Variants in VWC2L observed in about 807,000 individuals in gnomAD.
VWC2L encodes von Willebrand factor C domain containing 2 like, also known as von Willebrand factor C domain-containing protein 2-like.
Under a neutral mutation model 21.6 loss-of-function variants are expected in VWC2L, and 10 were observed. The observed-to-expected ratio is 0.46, with a 90% CI of 0.29 to 0.78. VWC2L has a LOEUF of 0.78. VWC2L is among the 30% of genes least tolerant of loss of function. The pLI, the probability that VWC2L is intolerant of heterozygous loss-of-function variation, is 0.10. For missense variants in VWC2L, 209 were observed against 277.1 expected (o/e 0.75, Z 1.74); for synonymous variants, 96 against 94.3 (o/e 1.02, Z -0.10).
chr2:214,546,698 A>T (rs1284732107), intron 3 of VWC2L, among the ~76,000 whole-genome samples: 1 of 152,160 alleles, frequency 6.6e-6, no homozygotes, highest in Non-Finnish European at 1.5e-5. Flanking sequence ...GCAGTCTTCC[A>T]TCCCTGAACC....
intron 3 of VWC2L, among the ~76,000 whole-genome samples, chr2:214,441,723 A>G (rs1702765227): frequency 6.6e-6 from 1 of 152,008 alleles, no homozygotes; most frequent in Non-Finnish European, 1.5e-5. Context: ...TAAATATATA[A>G]CAGCCTTTTA....
At chr2:214,423,205 G>A (rs896229142) in intron 2 of VWC2L, among the ~76,000 whole-genome samples, 13 of 152,088 alleles carry the variant, frequency 8.5e-5, no homozygotes, top group Admixed American at 3.9e-4. Context: ...AAATTTTTCT[G>A]TTTGTAAAAA....
intron 3 of VWC2L, among the ~76,000 whole-genome samples, chr2:214,506,332 C>A (rs1455286721): frequency 6.6e-6 from 1 of 152,100 alleles, no homozygotes; most frequent in East Asian, 1.9e-4. Context: ...GAGACAGCAA[C>A]AATCACACAT....
intron 3 of VWC2L, among the ~76,000 whole-genome samples, chr2:214,462,652 G>C (rs1361693783): frequency 6.6e-6 from 1 of 151,404 alleles, no homozygotes; most frequent in African/African-American, 2.4e-5. Context: ...ATGGCTTCCG[G>C]TTTACTGATG....
At chr2:214,557,601 C>G (rs1015969091) in intron 3 of VWC2L, among the ~76,000 whole-genome samples, 1 of 152,214 alleles carries the variant, frequency 6.6e-6, no homozygotes, top group Admixed American at 6.5e-5. Flanking sequence ...TAGGCGTCCC[C>G]AGTCAGCTAG....
intron 2 of VWC2L, among the ~76,000 whole-genome samples, chr2:214,431,385 G>T (rs574923870): frequency 8.5e-5 from 13 of 152,114 alleles, no homozygotes; most frequent in Non-Finnish European, 1.5e-4. Flanking sequence ...TTTAAGGGGA[G>T]TTTTTTGAAA....
chr2:214,531,758 G>C (rs551277805), intron 3 of VWC2L, among the ~76,000 whole-genome samples: 1 of 152,214 alleles, frequency 6.6e-6, no homozygotes, highest in East Asian at 1.9e-4. Context: ...AAGCTACCGA[G>C]GTCTTATTTT....
intron 3 of VWC2L, among the ~76,000 whole-genome samples, chr2:214,443,275 G>A (rs1245549641): frequency 1.1e-4 from 16 of 152,076 alleles, no homozygotes; most frequent in Admixed American, 9.8e-4. Flanking sequence ...AGGAGGCTGA[G>A]GCAGAAGAAT....
chr2:214,572,557 G>T (rs1338193237), intron 3 of VWC2L, among the ~76,000 whole-genome samples: 1 of 152,078 alleles, frequency 6.6e-6, no homozygotes, highest in Non-Finnish European at 1.5e-5. Context: ...TAGATAGAAG[G>T]GTAGATTTCC....
chr2:214,507,488 G>A, intron 3 of VWC2L, among the ~76,000 whole-genome samples: 1 of 150,440 alleles, frequency 6.6e-6, no homozygotes. Flanking sequence ...CTCCTGACTA[G>A]AGCTACAGGG....
intron 3 of VWC2L, among the ~76,000 whole-genome samples, chr2:214,442,430 AATT>A (rs1559292102): frequency 6.6e-6 from 1 of 152,256 alleles, no homozygotes; most frequent in Admixed American, 6.5e-5. Context: ...AAAATACAAA[AATT>A]ATTATCTCAC....
chr2:214,442,917 T>C (rs1322027912), intron 3 of VWC2L, among the ~76,000 whole-genome samples: 1 of 152,180 alleles, frequency 6.6e-6, no homozygotes, highest in Non-Finnish European at 1.5e-5. Flanking sequence ...ATGCAGTTCA[T>C]ATATTGTATA....
intron 3 of VWC2L, among the ~76,000 whole-genome samples, chr2:214,520,058 T>TACACACACACACACACACAC (rs60850327): frequency 5.0e-4 from 72 of 143,250 alleles, no homozygotes; most frequent in African/African-American, 1.6e-3. Flanking sequence ...GCTCCTGTTA[T>TACACACACACACACACACAC]ACACACACAC....
intron 2 of VWC2L, among the ~76,000 whole-genome samples, chr2:214,420,351 A>G (rs1293203515): frequency 6.6e-6 from 1 of 152,160 alleles, no homozygotes; most frequent in Non-Finnish European, 1.5e-5. Context: ...GGAAGGCAAC[A>G]TGTTCTAGGA....
At chr2:214,495,090 C>T (rs962647609) in intron 3 of VWC2L, among the ~76,000 whole-genome samples, 4 of 152,042 alleles carry the variant, frequency 2.6e-5, no homozygotes, top group African/African-American at 4.8e-5. Context: ...ATTGGTTCAA[C>T]GGTTTTTATT....
At chr2:214,444,906 A>G (rs893649079) in intron 3 of VWC2L, among the ~76,000 whole-genome samples, 2 of 151,998 alleles carry the variant, frequency 1.3e-5, no homozygotes, top group Non-Finnish European at 2.9e-5. Flanking sequence ...TCAAATCATA[A>G]CGGTATGTTG....
intron 3 of VWC2L, among the ~76,000 whole-genome samples, chr2:214,456,615 C>A (rs1454294595): frequency 6.6e-6 from 1 of 151,812 alleles, no homozygotes; most frequent in Admixed American, 6.6e-5. Context: ...ATTTTTGTTG[C>A]CTGTACTTTT....
chr2:214,484,766 C>A (rs75633621), intron 3 of VWC2L, among the ~76,000 whole-genome samples: 4 of 152,124 alleles, frequency 2.6e-5, no homozygotes, highest in Non-Finnish European at 4.4e-5. Flanking sequence ...AAAAGTGAAG[C>A]AACATGATAA....
At chr2:214,466,210 C>G (rs1372610301) in intron 3 of VWC2L, among the ~76,000 whole-genome samples, 1 of 152,102 alleles carries the variant, frequency 6.6e-6, no homozygotes, top group Non-Finnish European at 1.5e-5. Context: ...TATTGTTCTA[C>G]CTCTCTCAGT....
Sources: gnomAD v4.1 joint callset for allele counts (sites outside exome capture counted in the v4.1 genomes callset) on GRCh38, gnomAD v4.1.1 for gene constraint, MANE v1.5 for transcripts, NCBI Gene and HGNC (gene_info 2026-07-23, HGNC 2026-07-21) for gene names.